The following ENKUR variants were observed in gnomAD, a reference collection of about 807,000 sequenced individuals.
ENKUR encodes enkurin.
In ENKUR, 19 loss-of-function variants were observed where a neutral mutation model predicts 27.6. The observed-to-expected ratio is 0.69, with a 90% CI of 0.48 to 1.01. The LOEUF (loss-of-function observed/expected upper bound fraction) is 1.01. Ranked by LOEUF, ENKUR falls within the 50% of genes least tolerant of loss-of-function variation. The probability of loss-of-function intolerance (pLI) is 0.00; values close to 1 mark genes in which losing one functional copy is unlikely to be tolerated. For missense variants in ENKUR, 312 were observed against 310.5 expected, an observed-to-expected ratio of 1.00 and a Z score of -0.04; for synonymous variants, 117 against 96.9, an observed-to-expected ratio of 1.21 and a Z score of -1.22.
chr10:25,002,380 G>A (rs1416198856), intron 1 of ENKUR, among the ~76,000 whole-genome samples: 1 of 152,094 alleles, frequency 6.6e-6, no homozygotes, highest in Non-Finnish European at 1.5e-5. Context: ...TAGCAGCTTT[G>A]GCCTTTGCAA....
chr10:25,049,413 AG>A (rs1342065574), intron 2 of ENKUR, among the ~76,000 whole-genome samples: 2 of 151,140 alleles, frequency 1.3e-5, no homozygotes, highest in African/African-American at 4.9e-5. Flanking sequence ...GGTAAAAAAA[AG>A]TCAACTTGAG....
intron 2 of ENKUR, among the ~76,000 whole-genome samples, chr10:25,028,709 A>G (rs1300174799): frequency 6.6e-6 from 1 of 152,184 alleles, no homozygotes; most frequent in African/African-American, 2.4e-5. Context: ...CTTTTTCTCC[A>G]GAGTGTAAAA....
upstream of ENKUR, among the ~76,000 whole-genome samples, chr10:25,017,333 C>T (rs1002029350): frequency 6.6e-6 from 1 of 152,062 alleles, no homozygotes; most frequent in Non-Finnish European, 1.5e-5. Flanking sequence ...CGCTTTTACC[C>T]GAGTGTTTAA....
At chr10:25,005,240 A>C (rs556589344) in intron 1 of ENKUR, among the ~76,000 whole-genome samples, 1 of 152,276 alleles carries the variant, frequency 6.6e-6, no homozygotes, top group South Asian at 2.1e-4. Flanking sequence ...ATTATGAGAT[A>C]TGGGCTAAAG....
chr10:25,017,676 A>C (rs1850634920), upstream of ENKUR, among the ~76,000 whole-genome samples: 1 of 150,244 alleles, frequency 6.7e-6, no homozygotes, highest in Non-Finnish European at 1.5e-5. Context: ...ACGCTTAGGG[A>C]AAATTCTCCA....
chr10:24,996,434 A>G (rs1166586749), intron 2 of ENKUR, among the ~76,000 whole-genome samples: 1 of 122,056 alleles, frequency 8.2e-6, no homozygotes, highest in East Asian at 2.4e-4. Flanking sequence ...AAAAGATCAT[A>G]TATGTGTGTG....
At chr10:25,050,198 T>A (rs1177739233) in intron 2 of ENKUR, among the ~76,000 whole-genome samples, 3 of 152,122 alleles carry the variant, frequency 2.0e-5, no homozygotes, top group Non-Finnish European at 4.4e-5. Context: ...TCCAGTCACC[T>A]CCCACCACTG....
chr10:25,015,909 T>G lies in ENKUR; in HGVS notation c.28A>C (p.Ile10Leu). Residue 10 changes from isoleucine to leucine, a missense_variant, in exon 1 of 6, where the codon ATT (isoleucine) becomes CTT (leucine). Coordinates refer to ENST00000331161, the MANE Select transcript of ENKUR (RefSeq NM_145010.4). MDPTCSSEC[I>L]YNLIPSDLKE... The stretch of plus-strand genomic sequence containing the variant: ...AAGTCACTGGGTATGAGGTTATAAA[T>G]GCACTCAGAAGAGCACGTTGGATCC... The G allele has an allele frequency of 2.5e-6, 4 of 1,608,524 alleles. No homozygotes were observed. The highest frequency in any genetic ancestry group is 3.4e-6 in the Non-Finnish European group (4 of 1,177,260).
chr10:25,053,056 A>T (rs1851205403), intron 2 of ENKUR, among the ~76,000 whole-genome samples: 1 of 149,832 alleles, frequency 6.7e-6, no homozygotes, highest in South Asian at 2.1e-4. Context: ...GGCATGAGCC[A>T]CCACACCCAT....
In ENKUR at chr10:24,995,843, T is replaced by C; in HGVS notation, c.250A>G (p.Lys84Glu). 1.9e-6 allele frequency: 3 copies of C among 1,611,058 alleles called. No individual in the cohort carries two copies. The highest frequency in any genetic ancestry group is 2.5e-6 in the Non-Finnish European group (3 of 1,179,400). The change falls in exon 3 of 6, where the codon AAA (lysine) becomes GAA (glutamate). Residue 84 changes from lysine (K) to glutamate (E), a missense_variant. Physicochemically the swap from Lys to Glu is moderately conservative, Grantham distance 56. Transcript: ENST00000331161. Reference sequence around the variant, plus strand: ...GTCTTCAATGGCACAGCAGGCTTTTTGGGCACGTTCCGATCAAAGTTTTTT... The same window carrying C: ...GTCTTCAATGGCACAGCAGGCTTTTCGGGCACGTTCCGATCAAAGTTTTTT... Reference protein sequence around the residue: ...PKKNFDRNVPKKPAVPLKTDH... With the variant: ...PKKNFDRNVPEKPAVPLKTDH...
chr10:25,054,542 T>TC (rs1323188184), intron 2 of ENKUR, among the ~76,000 whole-genome samples: 2 of 150,158 alleles, frequency 1.3e-5, no homozygotes, highest in Non-Finnish European at 3.0e-5. Flanking sequence ...TTTCTTTCTT[T>TC]CTTTCCTTTC....
At chr10:25,042,350 A>G (rs188507271) in intron 2 of ENKUR, among the ~76,000 whole-genome samples, 88 of 151,006 alleles carry the variant, frequency 5.8e-4, no homozygotes, top group African/African-American at 2.0e-3. Context: ...GTACAATGGC[A>G]TGATCTCAGC....
At chr10:24,992,157 A>G (rs899709278) in intron 3 of ENKUR, among the ~76,000 whole-genome samples, 65 of 152,226 alleles carry the variant, frequency 4.3e-4, no homozygotes, top group African/African-American at 1.5e-3. Context: ...GATGTTTGAG[A>G]ATGTACTTGG....
At chr10:25,024,899 C>G in intron 2 of ENKUR, 1 of 1,613,830 alleles carries the variant, frequency 6.2e-7, no homozygotes, top group Non-Finnish European at 8.5e-7. Flanking sequence ...CTAGCACAAA[C>G]CTTTTCACCG....
rs78131600 is a variant in ENKUR, at chr10:25,025,199, C to G, written c.38-29330G>C. 4.3e-6 allele frequency: 7 copies of G among 1,614,044 alleles called. No homozygotes were observed. In the Admixed American group the frequency reaches 1.2e-4, roughly 27 times the overall value. ...GATAGGGTGCAAGACAAAACTTGCC[C>G]TGTGATTATCTCATCTACAGCCCAT... is the stretch of plus-strand genomic sequence containing the variant. On this transcript the variant is annotated intron_variant, in intron 2 of 5. Transcript: ENST00000615958.
chr10:25,017,080 G>T (rs985615416), upstream of ENKUR, among the ~76,000 whole-genome samples: 3 of 152,166 alleles, frequency 2.0e-5, no homozygotes, highest in Non-Finnish European at 4.4e-5. Flanking sequence ...CTCTGCGCCT[G>T]CTCTTCCCCG....
At chr10:25,009,255 T>TA (rs372524385) in intron 1 of ENKUR, among the ~76,000 whole-genome samples, 5,707 of 147,930 alleles carry the variant, frequency 0.039, 248 homozygotes, top group African/African-American at 0.11. Context: ...TAGAGTATAA[T>TA]AAAAAAAAAA....
chr10:25,019,659 A>G (rs1819907199), upstream of ENKUR, among the ~76,000 whole-genome samples: 3 of 152,352 alleles, frequency 2.0e-5, no homozygotes, highest in East Asian at 1.9e-4. Context: ...TATATAAAGG[A>G]CTTGCACATC....
intron 4 of ENKUR, 73 bp downstream of exon 4, chr10:24,990,390 A>C: frequency 6.6e-7 from 1 of 1,521,160 alleles, no homozygotes; most frequent in Non-Finnish European, 8.8e-7. Flanking sequence ...TTTAATCATC[A>C]AAGTGATGGT....
Sources: gnomAD v4.1 joint callset for allele counts (sites outside exome capture counted in the v4.1 genomes callset) on GRCh38, gnomAD v4.1.1 for gene constraint, MANE v1.5 for transcripts, NCBI Gene and HGNC (gene_info 2026-07-23, HGNC 2026-07-21) for gene names.